Variants in PRKCH observed in about 807,000 individuals in gnomAD.
PRKCH encodes the protein protein kinase C eta type.
Under a neutral mutation model 82.5 loss-of-function variants are expected in PRKCH, and 28 were observed. The observed-to-expected ratio is 0.34, with a 90% CI of 0.25 to 0.47. The LOEUF (loss-of-function observed/expected upper bound fraction) is 0.47, where lower values mean the gene tolerates loss of function less well. Ranked by LOEUF, PRKCH falls within the 20% of genes least tolerant of loss-of-function variation. The pLI is 1.00. For missense variants in PRKCH, 705 were observed against 881.8 expected (o/e 0.80, Z 2.54); for synonymous variants, 322 against 327.4 (o/e 0.98, Z 0.18).
intron 12 of PRKCH, among the ~76,000 whole-genome samples, chr14:61,532,459 C>G (rs548354030): frequency 6.6e-6 from 1 of 152,326 alleles, no homozygotes; most frequent in South Asian, 2.1e-4. Context: ...GAGGCCACAT[C>G]ACCATTTGAG....
intron 1 of PRKCH, among the ~76,000 whole-genome samples, chr14:61,204,763 G>GA (rs67978354): frequency 0.36 from 38,454 of 105,976 alleles, 5,467 homozygotes; most frequent in Admixed American, 0.46. Flanking sequence ...CCTTTCTCAA[G>GA]AAAAAAAAAA....
chr14:61,518,224 G>A (rs1184160863), intron 10 of PRKCH, among the ~76,000 whole-genome samples: 1 of 152,112 alleles, frequency 6.6e-6, no homozygotes, highest in East Asian at 1.9e-4. Context: ...AAGACTTCTG[G>A]CCTTCTTGTG....
intron 1 of PRKCH, chr14:61,298,187 T>TG (rs1400125651): frequency 6.6e-6 from 1 of 152,458 alleles, no homozygotes; most frequent in East Asian, 1.9e-4. Context: ...ACAACTCCCC[T>TG]GAGCAGTCTC....
intron 10 of PRKCH, among the ~76,000 whole-genome samples, chr14:61,503,492 G>A (rs1171222584): frequency 2.0e-5 from 3 of 152,132 alleles, no homozygotes; most frequent in African/African-American, 4.8e-5. Context: ...GAGCTTGAGC[G>A]TTGTATCTGT....
chr14:61,188,396 G>A (rs1021641327), intron 1 of PRKCH, among the ~76,000 whole-genome samples: 168 of 152,300 alleles, frequency 1.1e-3, no homozygotes, highest in African/African-American at 3.8e-3. Flanking sequence ...CTGGCCCGCG[G>A]CTCTCAGGCA....
At chr14:61,217,324 T>A (rs1176466690) in intron 1 of PRKCH, among the ~76,000 whole-genome samples, 2 of 151,556 alleles carry the variant, frequency 1.3e-5, no homozygotes, top group African/African-American at 2.4e-5. Flanking sequence ...GCCCGGGAGG[T>A]TGAGGCTGCA....
rs765959373 is a variant in PRKCH, at chr14:61,485,526, T to G, written c.1303T>G (p.Phe435Val). The G allele has an allele frequency of 6.2e-7, 1 of 1,614,046 alleles. No homozygotes were observed. Among genetic ancestry groups the G allele is most frequent in the South Asian group, 1.1e-5 (1 of 91,072 alleles). Residue 435 changes from phenylalanine to valine, a missense_variant, in exon 10 of 14, where the codon TTT (phenylalanine) becomes GTT (valine). Physicochemically the swap from Phe to Val is conservative, Grantham distance 50. Around this residue, in one of 5 missense-constraint regions of PRKCH, gnomAD observed 238 missense variants for 258.1 expected, o/e 0.92. Coordinates refer to ENST00000332981, the MANE Select transcript of PRKCH (RefSeq NM_006255.5). ...TPDRLFFVME[F>V]VNGGDLMFHI... ...GGATCGTCTGTTTTTTGTGATGGAG[T>G]TTGTGAATGGGGGTGACTTGATGTT... is the stretch of plus-strand genomic sequence containing the variant.
intron 2 of PRKCH, among the ~76,000 whole-genome samples, chr14:61,422,518 C>T (rs972293612): frequency 2.6e-5 from 4 of 152,310 alleles, no homozygotes; most frequent in South Asian, 2.1e-4. Flanking sequence ...CCCTCATCCT[C>T]CCTCTAGTAC....
intron 12 of PRKCH, chr14:61,538,052 C>T (rs1185914629): frequency 1.3e-5 from 2 of 152,234 alleles, no homozygotes; most frequent in African/African-American, 2.4e-5. Flanking sequence ...CTGGGAGAGG[C>T]TGGAATGTTC....
chr14:61,459,243 G>A (rs1884922319), intron 9 of PRKCH, among the ~76,000 whole-genome samples: 1 of 152,208 alleles, frequency 6.6e-6, no homozygotes, highest in Non-Finnish European at 1.5e-5. Context: ...AGGAAGTAGG[G>A]GATTCCACGA....
At chr14:61,240,542 C>T (rs906481846) in intron 1 of PRKCH, among the ~76,000 whole-genome samples, 1 of 152,122 alleles carries the variant, frequency 6.6e-6, no homozygotes, top group African/African-American at 2.4e-5. Flanking sequence ...TGGTTTCTAG[C>T]CATCTGCATT....
chr14:61,280,471 G>T lies in PRKCH; in HGVS notation c.-19+92803G>T. The T allele has an allele frequency of 1.9e-6, 3 of 1,613,370 alleles. No individual in the cohort carries two copies. Among genetic ancestry groups the T allele is most frequent in the Non-Finnish European group, 2.5e-6 (3 of 1,179,708 alleles). ...GTAGACTGGCCGGCGCCAGTTGGGC[G>T]GGGGCGCCGTGCCCTGGAAGGCCAA... On this transcript the variant is annotated intron_variant, in intron 1 of 3. Coordinates refer to the PRKCH transcript ENST00000555185. This position sits in a 1 kb window ranked among gnomAD's most constrained non-coding sequence, Gnocchi z 5.0.
In PRKCH at chr14:61,549,837, T is replaced by G; in HGVS notation, c.*6T>G. 1.2e-6 allele frequency: 2 copies of G among 1,613,216 alleles called. No homozygotes were observed. Among genetic ancestry groups the G allele is most frequent in the Non-Finnish European group, 8.5e-7 (1 of 1,179,640 alleles). On this transcript the variant is annotated 3_prime_UTR_variant, in exon 14 of 14. Transcript: ENST00000332981. ...CTCCAGAATTGCAACCATAGCCTTA[T>G]GGGGAGTGAGAGAGAGGGCACGAGA... is the stretch of plus-strand genomic sequence containing the variant.
At chr14:61,386,563 C>A (rs2046591357) in intron 1 of PRKCH, among the ~76,000 whole-genome samples, 1 of 152,000 alleles carries the variant, frequency 6.6e-6, no homozygotes, top group African/African-American at 2.4e-5. Context: ...TGGGTAAATA[C>A]AGGGCTCAGG....
At chr14:61,361,180 T>C (rs1314760007) in intron 1 of PRKCH, 2 of 152,192 alleles carry the variant, frequency 1.3e-5, no homozygotes, top group Non-Finnish European at 1.5e-5. Flanking sequence ...TAAGTTCTAA[T>C]ATATTAACCT....
At chr14:61,500,581 G>A (rs1594766255) in intron 10 of PRKCH, among the ~76,000 whole-genome samples, 1 of 152,040 alleles carries the variant, frequency 6.6e-6, no homozygotes, top group Non-Finnish European at 1.5e-5. Context: ...TCTCAAAAAA[G>A]GATATTTAAA....
intron 1 of PRKCH, among the ~76,000 whole-genome samples, chr14:61,213,395 A>G (rs1283591724): frequency 6.6e-6 from 1 of 152,172 alleles, no homozygotes; most frequent in African/African-American, 2.4e-5. Flanking sequence ...CAGCAGGGAG[A>G]GGAGAATGCA....
chr14:61,401,815 A>G (rs1398685980), intron 2 of PRKCH, among the ~76,000 whole-genome samples: 1 of 152,236 alleles, frequency 6.6e-6, no homozygotes, highest in Non-Finnish European at 1.5e-5. Flanking sequence ...TCTCAAGGAA[A>G]AGCACTTGTG....
intron 9 of PRKCH, among the ~76,000 whole-genome samples, chr14:61,475,481 A>G (rs1231773461): frequency 6.6e-6 from 1 of 152,178 alleles, no homozygotes; most frequent in Non-Finnish European, 1.5e-5. Context: ...CAATTAAAAC[A>G]CCGTGCCCAG....
Sources: gnomAD v4.1 joint callset for allele counts (sites outside exome capture counted in the v4.1 genomes callset) on GRCh38, gnomAD v4.1.1 for gene constraint, gnomAD v4.1.1 regional missense constraint, Gnocchi (gnomAD v3.1) non-coding constraint, MANE v1.5 for transcripts, NCBI Gene and HGNC (gene_info 2026-07-23, HGNC 2026-07-21) for gene names.